The following ALMS1 variants were observed in gnomAD, a reference collection of about 807,000 sequenced individuals.
The protein encoded by ALMS1 is ALMS1 centrosome and basal body associated protein.
Under a neutral mutation model 352.2 loss-of-function variants are expected in ALMS1, and 271 were observed. The observed-to-expected ratio is 0.77, with a 90% CI of 0.70 to 0.85. ALMS1 has a LOEUF of 0.85. ALMS1 is among the 40% of genes least tolerant of loss of function. ALMS1 has a pLI of 0.00. For synonymous variants in ALMS1, 1,865 were observed against 1,761.2 expected (o/e 1.06, Z -1.48); for missense variants, 5,445 against 4,870.7 (o/e 1.12, Z -3.51).
chr2:73,603,348 G>A (rs1675743071), intron 21 of ALMS1, 44 bp downstream of exon 21: 1 of 1,585,088 alleles, frequency 6.3e-7, no homozygotes, highest in East Asian at 2.2e-5. Context: ...TGTAAACCAG[G>A]CCACCAAGTG....
intron 10 of ALMS1, among the ~76,000 whole-genome samples, chr2:73,503,400 T>C (rs547817107): frequency 1.6e-4 from 24 of 152,224 alleles, no homozygotes; most frequent in African/African-American, 2.4e-4. Flanking sequence ...TTTCCAATTT[T>C]ATCCATGTCC....
At chr2:73,601,098 C>G in intron 18 of ALMS1, 97 bp from the exon 19 acceptor site, 1 of 1,587,110 alleles carries the variant, frequency 6.3e-7, no homozygotes, top group Non-Finnish European at 8.6e-7. Context: ...GCTGAGACCC[C>G]TGAGAACCTG....
chr2:73,449,043 C>T lies in ALMS1; in HGVS notation c.2516C>T (p.Ala839Val). 1.2e-6 allele frequency: 2 copies of T among 1,614,072 alleles called. No individual in the cohort carries two copies. The highest frequency in any genetic ancestry group is 1.1e-5 in the South Asian group (1 of 91,084). ...HLPEEALKVS[A>V]VSGPADGKTG... ...CCCGAAGAGGCTCTGAAAGTTTCAG[C>T]TGTTTCTGGACCAGCTGACGGAAAG... Residue 839 changes from alanine to valine, a missense_variant, in exon 8 of 23, where the codon GCT becomes GTT. By Grantham distance (64) the Ala-to-Val change is moderately conservative. Coordinates refer to ENST00000613296, the MANE Select transcript of ALMS1 (RefSeq NM_001378454.1).
rs866416012 is a variant in ALMS1, at chr2:73,491,102, A to C, written c.9143A>C (p.His3048Pro). Residue 3048 changes from histidine (H) to proline (P), a missense_variant, in exon 10 of 23, where the codon CAT becomes CCT. Coordinates refer to ENST00000613296, the MANE Select transcript of ALMS1 (RefSeq NM_001378454.1). ...PSNRKALSCVHITLCPKTSSK... is the reference protein window; with the variant it reads ...PSNRKALSCVPITLCPKTSSK... ...AATAGAAAAGCACTTTCTTGTGTTC[A>C]TATAACTCTTTGTCCCAAGACTTCT... 1.2e-6 allele frequency: 2 copies of C among 1,614,074 alleles called. No homozygotes were observed. Among genetic ancestry groups the C allele is most frequent in the African/African-American group, 2.7e-5 (2 of 74,946 alleles).
In ALMS1 at chr2:73,450,868, T is replaced by C. The variant is rs770081169; in HGVS notation, c.4341T>C (p.His1447=). The part of the protein sequence containing the change: ...SFYQQVLPHS[H]LPEEALEVSV... Reference sequence around the variant, plus strand: ...ACCAACAGGTCTTGCCACATAGTCATCTACCTGAAGAGGCTTTGGAAGTTT... The same window carrying C: ...ACCAACAGGTCTTGCCACATAGTCACCTACCTGAAGAGGCTTTGGAAGTTT... Residue 1447 remains histidine, a synonymous_variant, in exon 8 of 23, where the codon CAT becomes CAC. Transcript: ENST00000613296. 117 of 1,613,996 alleles carry C rather than the reference T, an allele frequency of 7.2e-5. No individual in the cohort carries two copies. The highest frequency in any genetic ancestry group is 9.2e-5 in the Non-Finnish European group (109 of 1,180,002).
Position 73,490,898 on chromosome 2 carries a change from T to A in ALMS1, c.8939T>A (p.Met2980Lys). 6.2e-7 allele frequency: 1 copy of A among 1,613,858 alleles called. No individual in the cohort carries two copies. Among genetic ancestry groups the A allele is most frequent in the Non-Finnish European group, 8.5e-7 (1 of 1,179,940 alleles). Residue 2980 changes from methionine to lysine, a missense_variant, in exon 10 of 23, where the codon ATG becomes AAG. Met to Lys is a moderately conservative substitution (Grantham distance 95, BLOSUM62 -1). Coordinates refer to ENST00000613296, the MANE Select transcript of ALMS1 (RefSeq NM_001378454.1). ...QSKAPGVDDQ[M>K]NKHHFPLPQG... Reference sequence around the variant, plus strand: ...AAAGCGCCAGGTGTAGATGACCAAATGAATAAACACCATTTTCCCCTTCCT... The same window carrying A: ...AAAGCGCCAGGTGTAGATGACCAAAAGAATAAACACCATTTTCCCCTTCCT...
intron 10 of ALMS1, among the ~76,000 whole-genome samples, chr2:73,512,781 A>G (rs1267623670): frequency 6.6e-6 from 1 of 152,036 alleles, no homozygotes; most frequent in African/African-American, 2.4e-5. Context: ...TCTTTTGATC[A>G]TGTCTTTGCT....
Position 73,559,874 on chromosome 2 carries a change from G to C in ALMS1, c.10384+732G>C, listed in dbSNP as rs149718885. 3.4e-4 allele frequency among the ~76,000 whole-genome samples: 51 copies of C among 152,166 alleles called. No individual in the cohort carries two copies. In the East Asian group the frequency reaches 9.6e-3, roughly 29 times the overall value. The stretch of plus-strand genomic sequence containing the variant: ...CCTTTTCTTTACACCACATACAAAA[G>C]TTAACTCAAAAAGGGTTAGTGACAT... On this transcript the variant is annotated intron_variant, in intron 15 of 22. Coordinates refer to ENST00000613296, the MANE Select transcript of ALMS1 (RefSeq NM_001378454.1).
chr2:73,559,473 G>A (rs1254654300), intron 15 of ALMS1, among the ~76,000 whole-genome samples: 1 of 151,976 alleles, frequency 6.6e-6, no homozygotes, highest in African/African-American at 2.4e-5. Context: ...CCTTCCAGAA[G>A]ACTATAGCAA....
rs746235768 is a variant in ALMS1, at chr2:73,491,358, A to G, written c.9399A>G (p.Pro3133=). 5 of 1,614,074 alleles carry G rather than the reference A, an allele frequency of 3.1e-6. No individual in the cohort carries two copies. The highest frequency in any genetic ancestry group is 2.7e-5 in the African/African-American group (2 of 74,940). Reference sequence around the variant, plus strand: ...TCCAAGTCGTACAGCCTTCTCTTCCAGACAGTAACACTATTACTCAGGACT... The same window carrying G: ...TCCAAGTCGTACAGCCTTCTCTTCCGGACAGTAACACTATTACTCAGGACT... ...LDFQVVQPSL[P]DSNTITQDLK... Residue 3133 remains proline (P), a synonymous_variant, in exon 10 of 23, where the codon CCA becomes CCG. Transcript: ENST00000613296.
intron 10 of ALMS1, among the ~76,000 whole-genome samples, chr2:73,517,398 C>T (rs537146981): frequency 1.5e-4 from 22 of 151,352 alleles, no homozygotes; most frequent in African/African-American, 4.6e-4. Flanking sequence ...GGACTATAGG[C>T]GCATGCCACT....
chr2:73,534,689 A>G (rs1673989259), intron 11 of ALMS1, 135 bp from the exon 12 acceptor site: 4 of 823,712 alleles, frequency 4.9e-6, no homozygotes, highest in African/African-American at 1.7e-5. Context: ...TTGAAGGCAG[A>G]GATACATTTC....
Position 73,601,426 on chromosome 2 carries a change from C to T in ALMS1, c.12104C>T (p.Ala4035Val), listed in dbSNP as rs1282752245. 1 of 1,613,934 alleles carries T rather than the reference C, an allele frequency of 6.2e-7. No individual in the cohort carries two copies. The highest frequency in any genetic ancestry group is 1.3e-5 in the African/African-American group (1 of 74,942). The change falls in exon 19 of 23, where the codon GCA becomes GTA. Residue 4035 changes from alanine (A) to valine (V), a missense_variant. By Grantham distance (64) the Ala-to-Val change is moderately conservative (BLOSUM62 0). Coordinates refer to ENST00000613296, the MANE Select transcript of ALMS1 (RefSeq NM_001378454.1). ...GRDLLRPFVR[A>V]TLQESLQFHR... ...GACCTACTGAGGCCATTTGTGAGAG[C>T]AACCCTTCAGGTGCAGTGACGTTGA...
intron 2 of ALMS1, among the ~76,000 whole-genome samples, chr2:73,413,327 A>AT (rs960329805): frequency 1.6e-4 from 24 of 151,324 alleles, no homozygotes; most frequent in Non-Finnish European, 2.2e-4. Context: ...TTGTTTATTG[A>AT]TTTTTTTTCC....
intron 10 of ALMS1, among the ~76,000 whole-genome samples, chr2:73,502,914 G>A (rs985915410): frequency 1.3e-5 from 2 of 152,064 alleles, no homozygotes; most frequent in Non-Finnish European, 2.9e-5. Flanking sequence ...TTTCTCCTTA[G>A]TTATTTGGGA....
chr2:73,572,737 G>C lies in ALMS1; in HGVS notation c.10860G>C (p.Arg3620Ser), dbSNP rs373682259. The change falls in exon 16 of 23, where the codon AGG (arginine) becomes AGC (serine). Residue 3620 changes from arginine to serine, a missense_variant. Physicochemically the swap from Arg to Ser is moderately radical, Grantham distance 110. Coordinates refer to ENST00000613296, the MANE Select transcript of ALMS1 (RefSeq NM_001378454.1). ...AGAGACAGCCTGAGTTGGGTGACAG[G>C]AAAGAACTGTCCTTGGTGGACCGAC... ...RQQRQPELGD[R>S]KELSLVDRLD... is the part of the protein sequence containing the mutation. 2 of 1,614,136 alleles carry C rather than the reference G, an allele frequency of 1.2e-6. No individual in the cohort carries two copies. The highest frequency in any genetic ancestry group is 1.7e-6 in the Non-Finnish European group (2 of 1,180,002).
In ALMS1 at chr2:73,449,255, C is replaced by G. The variant is rs770645274; in HGVS notation, c.2728C>G (p.His910Asp). 6.2e-7 allele frequency: 1 copy of G among 1,614,096 alleles called. No homozygotes were observed. ...IPSAPSSFYSHREKPIIFSQQ... is the reference protein window; with the variant it reads ...IPSAPSSFYSDREKPIIFSQQ... ...CTCAGCACCATCTAGTTTCTACTCA[C>G]ACAGAGAGAAGCCCATTATTTTTTC... Residue 910 changes from histidine (H) to aspartate (D), a missense_variant, in exon 8 of 23, where the codon CAC becomes GAC. Coordinates refer to ENST00000613296, the MANE Select transcript of ALMS1 (RefSeq NM_001378454.1).
At chr2:73,447,458 G>A (rs1264414946) in intron 7 of ALMS1, among the ~76,000 whole-genome samples, 2 of 151,956 alleles carry the variant, frequency 1.3e-5, no homozygotes, top group African/African-American at 4.8e-5. Context: ...CTCACTGCAC[G>A]CATAGCATCC....
rs1480485317 is a variant in ALMS1 at position 73,451,414 on chromosome 2, G to T, written c.4887G>T (p.Arg1629=). ...GAGAGAAGCCCATTACTTTCTACCG[G>T]CAGGCTCTGCTAGACAGTCCTCTAA... The part of the protein sequence containing the change: ...ALGEKPITFY[R]QALLDSPLNK... The change falls in exon 8 of 23, where the codon CGG becomes CGT. Residue 1629 remains arginine, a synonymous_variant. Coordinates refer to ENST00000613296, the MANE Select transcript of ALMS1 (RefSeq NM_001378454.1). 1.2e-6 allele frequency: 2 copies of T among 1,612,710 alleles called. No homozygotes were observed. Among genetic ancestry groups the T allele is most frequent in the South Asian group, 1.1e-5 (1 of 91,018 alleles).
Sources: gnomAD v4.1 joint callset for allele counts (sites outside exome capture counted in the v4.1 genomes callset) on GRCh38, gnomAD v4.1.1 for gene constraint, MANE v1.5 for transcripts, NCBI Gene and HGNC (gene_info 2026-07-23, HGNC 2026-07-21) for gene names.